Variants in SGTA observed in about 807,000 individuals in gnomAD.
SGTA encodes small glutamine rich tetratricopeptide repeat co-chaperone alpha, also known as small glutamine-rich tetratricopeptide repeat-containing protein alpha.
Under a neutral mutation model 44.3 loss-of-function variants are expected in SGTA, and 22 were observed. The observed-to-expected ratio is 0.50, with a 90% CI of 0.36 to 0.71. SGTA has a LOEUF of 0.71. Ranked by LOEUF, SGTA falls within the 30% of genes least tolerant of loss-of-function variation. SGTA has a pLI of 0.00. For missense variants in SGTA, 341 were observed against 435.9 expected (o/e 0.78, Z 1.94); for synonymous variants, 174 against 177.6 (o/e 0.98, Z 0.16).
Position 2,767,459 on chromosome 19 carries a change from A to G in SGTA, c.207+121T>C, listed in dbSNP as rs1915177370. ...GCTCCTGCAGCCACGTCCCCAGCCC[A>G]GGAGAGGATGCAGGCAGAGTGCTGG... On this transcript the variant is annotated intron_variant, in intron 3 of 11. Coordinates refer to ENST00000221566, the MANE Select transcript of SGTA (RefSeq NM_003021.4). This position sits in a 1 kb window ranked among gnomAD's most constrained non-coding sequence, Gnocchi z 7.3. The G allele has an allele frequency of 3.4e-6, 3 of 876,294 alleles. No individual in the cohort carries two copies. The Admixed American group carries it at 6.2e-5, about 18-fold the overall frequency. The allele number at this position is 876,294 out of a possible 1,614,324, so 54.3% of individuals were successfully genotyped here.
At chr19:2,756,212 A>G (rs1215854883) in intron 11 of SGTA, among the ~76,000 whole-genome samples, 2 of 152,116 alleles carry the variant, frequency 1.3e-5, no homozygotes, top group East Asian at 3.9e-4. Flanking sequence ...TCAACTATTA[A>G]AAAAAGAAAA....
intron 1 of SGTA, 66 bp from the exon 2 acceptor site, chr19:2,769,157 G>T: frequency 1.1e-6 from 1 of 931,268 alleles, no homozygotes; most frequent in Non-Finnish European, 1.7e-6. Context: ...CCCCAGGCCT[G>T]CCCCTAACTA....
chr19:2,778,503 C>CA (rs1029874095), intron 1 of SGTA, among the ~76,000 whole-genome samples: 161 of 152,146 alleles, frequency 1.1e-3, no homozygotes, highest in Non-Finnish European at 1.8e-3. Flanking sequence ...CACCGCCCCC[C>CA]CCGGCCCCCG....
At chr19:2,776,424 C>T (rs1285558709) in intron 1 of SGTA, among the ~76,000 whole-genome samples, 1 of 152,208 alleles carries the variant, frequency 6.6e-6, no homozygotes, top group Non-Finnish European at 1.5e-5. Flanking sequence ...GGACGTCGCA[C>T]TCAGTGAAAT....
intron 1 of SGTA, among the ~76,000 whole-genome samples, chr19:2,781,086 C>T (rs535943020): frequency 2.0e-5 from 3 of 152,240 alleles, no homozygotes; most frequent in South Asian, 2.1e-4. Context: ...CTATCTCAAA[C>T]CACCCCTTTG....
At chr19:2,759,416 A>T in intron 8 of SGTA, 122 bp from the exon 9 acceptor site, 2 of 882,698 alleles carry the variant, frequency 2.3e-6, no homozygotes. Context: ...CAACAGTAAG[A>T]GCCGGGCATT....
intron 10 of SGTA, 51 bp from the exon 11 acceptor site, chr19:2,757,508 G>T: frequency 6.3e-7 from 1 of 1,589,372 alleles, no homozygotes; most frequent in Non-Finnish European, 8.5e-7. Context: ...GCTGCCTGCT[G>T]CCTCCGTCCA....
chr19:2,778,186 G>A (rs1915486463), intron 1 of SGTA, among the ~76,000 whole-genome samples: 1 of 152,118 alleles, frequency 6.6e-6, no homozygotes, highest in African/African-American at 2.4e-5. Context: ...GGCACACAGG[G>A]CCTAGCACGA....
At chr19:2,772,750 G>A (rs1317103759) in intron 1 of SGTA, among the ~76,000 whole-genome samples, 2 of 152,198 alleles carry the variant, frequency 1.3e-5, no homozygotes, top group Non-Finnish European at 2.9e-5. Context: ...ACACTGTGTG[G>A]ATGTGAAGGC....
At chr19:2,759,482 C>A in intron 8 of SGTA, 188 bp from the exon 9 acceptor site, 1 of 592,286 alleles carries the variant, frequency 1.7e-6, no homozygotes, top group Non-Finnish European at 3.0e-6. Flanking sequence ...GAGCTGTGAC[C>A]TCCACATTGT....
chr19:2,765,258 A>G lies in SGTA; in HGVS notation c.320T>C (p.Phe107Ser). 6.2e-7 allele frequency: 1 copy of G among 1,612,986 alleles called. No homozygotes were observed. Among genetic ancestry groups the G allele is most frequent in the Admixed American group, 1.7e-5 (1 of 59,966 alleles). ...TCCGTAGAAATGCACGGCAGCTTCA[A>G]AGTTTTCCACTTTCATCTGCTCGTT... Reference protein sequence around the residue: ...EGNEQMKVENFEAAVHFYGKA... With the variant: ...EGNEQMKVENSEAAVHFYGKA... Residue 107 changes from phenylalanine (F) to serine (S), a missense_variant, in exon 5 of 12, where the codon TTT becomes TCT. By Grantham distance (155) the Phe-to-Ser change is radical. Transcript: ENST00000221566. The surrounding 1 kb of genome is among the most constrained non-coding windows in gnomAD (Gnocchi z 5.5).
chr19:2,769,283 G>A (rs79555105), intron 1 of SGTA, among the ~76,000 whole-genome samples, 192 bp from the exon 2 acceptor site: 2,208 of 152,272 alleles, frequency 0.015, 47 homozygotes, highest in African/African-American at 0.05. Flanking sequence ...TCACCAATCC[G>A]GCTATGCACA....
Position 2,761,535 on chromosome 19 carries a change from A to C in SGTA, c.637-13T>G. On this transcript the variant is annotated splice_polypyrimidine_tract_variant and intron_variant, in intron 7 of 11. Transcript: ENST00000221566. The surrounding 1 kb of genome is among the most constrained non-coding windows in gnomAD (Gnocchi z 5.7). ...CCACGCCTCCCGTCTGAGGATGAGA[A>C]CAGCCCTGGTTAGTGGGGCCTGGAC... The C allele has an allele frequency of 6.4e-7, 1 of 1,550,970 alleles. No homozygotes were observed. The highest frequency in any genetic ancestry group is 8.7e-7 in the Non-Finnish European group (1 of 1,146,482).
At position 2,763,783 on chromosome 19, in the gene SGTA, C is replaced by T; in HGVS notation, c.393-26G>A. The stretch of plus-strand genomic sequence containing the variant: ...CTGGGGAAGAAAAGGCAGGGCAGGT[C>T]CCTCACTGGCGGCTCTGAGCCCAGC... On this transcript the variant is annotated intron_variant, in intron 5 of 11. Coordinates refer to ENST00000221566, the MANE Select transcript of SGTA (RefSeq NM_003021.4). This position sits in a 1 kb window ranked among gnomAD's most constrained non-coding sequence, Gnocchi z 5.8. The T allele has an allele frequency of 6.3e-7, 1 of 1,595,422 alleles. No individual in the cohort carries two copies. The highest frequency in any genetic ancestry group is 8.6e-7 in the Non-Finnish European group (1 of 1,166,724).
Position 2,763,290 on chromosome 19 carries a change from C to T in SGTA, c.497+363G>A, listed in dbSNP as rs911987280. 2.6e-5 allele frequency among the ~76,000 whole-genome samples: 4 copies of T among 152,194 alleles called. No individual in the cohort carries two copies. Among genetic ancestry groups the T allele is most frequent in the African/African-American group, 9.6e-5 (4 of 41,454 alleles). ...GCTCCTGCCCCGGGGACCCTCCTGGCCTCACTCTCGGACCTGTCCTGTGTC... is the reference window on the plus strand; with the variant it reads ...GCTCCTGCCCCGGGGACCCTCCTGGTCTCACTCTCGGACCTGTCCTGTGTC... On this transcript the variant is annotated intron_variant, in intron 6 of 11. Transcript: ENST00000221566. The surrounding 1 kb of genome is among the most constrained non-coding windows in gnomAD (Gnocchi z 5.8).
chr19:2,764,585 GT>G (rs914624773), intron 5 of SGTA, among the ~76,000 whole-genome samples: 1 of 151,492 alleles, frequency 6.6e-6, no homozygotes, highest in Admixed American at 6.6e-5. Context: ...TTTTTTCGGG[GT>G]TTTTTTGAGA....
chr19:2,777,427 C>T (rs1304146696), intron 1 of SGTA: 1 of 152,094 alleles, frequency 6.6e-6, no homozygotes, highest in Admixed American at 6.6e-5. Flanking sequence ...TGGCACACAT[C>T]TATAGCCCTA....
At chr19:2,780,530 A>G (rs1915549164) in intron 1 of SGTA, among the ~76,000 whole-genome samples, 1 of 151,904 alleles carries the variant, frequency 6.6e-6, no homozygotes, top group South Asian at 2.1e-4. Flanking sequence ...TGTACATGCC[A>G]CTCAAACTCA....
rs982180612 is a variant in SGTA at position 2,761,581 on chromosome 19, C to G, written c.637-59G>C. The G allele has an allele frequency of 3.6e-6, 5 of 1,377,268 alleles. No individual in the cohort carries two copies. Among genetic ancestry groups the G allele is most frequent in the African/African-American group, 2.9e-5 (2 of 69,570 alleles). The allele number at this position is 1,377,268 out of a possible 1,614,324, so 85.3% of individuals were successfully genotyped here. A position where few individuals can be genotyped will look rare whatever the true frequency, so the allele number is the denominator to read the frequency against. On this transcript the variant is annotated intron_variant, in intron 7 of 11. Transcript: ENST00000221566. This position sits in a 1 kb window ranked among gnomAD's most constrained non-coding sequence, Gnocchi z 5.7. ...TGGACCAGAGGCCACGGTGAATAAC[C>G]CCCTGGAACTCAGAAACAACGGCCC...
Sources: allele counts gnomAD v4.1 joint callset (sites outside exome capture counted in the v4.1 genomes callset), GRCh38; gene constraint gnomAD v4.1.1; non-coding constraint Gnocchi (gnomAD v3.1); transcripts MANE v1.5; gene names NCBI Gene and HGNC (gene_info 2026-07-23, HGNC 2026-07-21).